The following ACSL1 variants were observed in gnomAD, a reference collection of about 807,000 sequenced individuals.
ACSL1 encodes the protein acyl-CoA synthetase long chain family member 1.
Under a neutral mutation model 98.4 loss-of-function variants are expected in ACSL1, and 41 were observed. The ratio of observed to expected loss-of-function variants is 0.42; its 90% CI spans 0.32 to 0.54. ACSL1 has a LOEUF of 0.54. Among genes scored for constraint, ACSL1 ranks in the 20% least tolerant of loss-of-function variants. The pLI is 0.13. For synonymous variants in ACSL1, 316 were observed against 322.7 expected (o/e 0.98, Z 0.22); for missense variants, 734 against 883.1 (o/e 0.83, Z 2.14).
At chr4:184,764,477 T>C (rs1451192716) in intron 15 of ACSL1, among the ~76,000 whole-genome samples, 1 of 152,122 alleles carries the variant, frequency 6.6e-6, no homozygotes, top group African/African-American at 2.4e-5. Context: ...ACAGTACAAA[T>C]TCAATAACTA....
rs1415028198 is a variant in ACSL1, at chr4:184,773,117, T to C, written c.879A>G (p.Ile293Met). ...PKGAMVTHRNIVSDCSAFVKA... is the reference protein window; with the variant it reads ...PKGAMVTHRNMVSDCSAFVKA... ...TCACAAAAGCTGAACAATCGCTCAC[T>C]ATGTTTCGGTGAGTGACCATTGCTC... The change falls in exon 10 of 21, where the codon ATA becomes ATG. Residue 293 changes from isoleucine to methionine, a missense_variant. Ile to Met is a conservative substitution (Grantham distance 10, BLOSUM62 1). Transcript: ENST00000281455. The surrounding 1 kb of genome is among the most constrained non-coding windows in gnomAD (Gnocchi z 4.3). 6.2e-7 allele frequency: 1 copy of C among 1,614,052 alleles called. No individual in the cohort carries two copies. The highest frequency in any genetic ancestry group is 1.7e-5 in the Admixed American group (1 of 60,024).
intron 17 of ACSL1, 132 bp from the exon 18 acceptor site, chr4:184,760,632 G>T: frequency 7.7e-7 from 1 of 1,294,874 alleles, no homozygotes; most frequent in African/African-American, 1.5e-5. Context: ...ACAGAGGTCA[G>T]TTATGATCCC....
Position 184,779,874 on chromosome 4 carries a change from CT to C in ACSL1, c.477+457del, listed in dbSNP as rs71591667. ...AAGGCCCTGGTTCAGGTTTTCCTTTCTTTTTTTTTTTTTTTGAGACGGAGTT... is the reference window on the plus strand; with the variant it reads ...AAGGCCCTGGTTCAGGTTTTCCTTTCTTTTTTTTTTTTTTGAGACGGAGTT... On this transcript the variant is annotated intron_variant, in intron 5 of 20. Transcript: ENST00000281455. Among the ~76,000 whole-genome samples, 1,134 of 141,282 alleles carry C rather than the reference CT, an allele frequency of 8.0e-3. 15 individuals carry two copies. The highest frequency in any genetic ancestry group is 0.046 in the South Asian group (204 of 4,426). The allele number at this position is 141,282 out of a possible 152,430, so 92.7% of individuals were successfully genotyped here.
chr4:184,760,883 C>G (rs943746367), intron 17 of ACSL1, among the ~76,000 whole-genome samples: 4 of 152,232 alleles, frequency 2.6e-5, no homozygotes, highest in Non-Finnish European at 4.4e-5. Flanking sequence ...AGGAACACAA[C>G]TTTTCCTTCC....
chr4:184,797,367 A>G (rs1323680695), intron 2 of ACSL1, among the ~76,000 whole-genome samples: 3 of 152,224 alleles, frequency 2.0e-5, no homozygotes, highest in African/African-American at 7.2e-5. Flanking sequence ...TTACATGCGT[A>G]CATGTGTGAA....
intron 2 of ACSL1, among the ~76,000 whole-genome samples, chr4:184,796,544 A>C (rs1218459867): frequency 6.6e-6 from 1 of 152,252 alleles, no homozygotes; most frequent in East Asian, 1.9e-4. Flanking sequence ...GACCATTTGC[A>C]CAATTATGTT....
chr4:184,810,672 A>G (rs890933391), intron 1 of ACSL1, among the ~76,000 whole-genome samples: 2 of 152,186 alleles, frequency 1.3e-5, no homozygotes, highest in Non-Finnish European at 2.9e-5. Context: ...TCCTGACCTC[A>G]GGGCTCGCAC....
At chr4:184,774,844 G>A (rs984540660) in intron 7 of ACSL1, among the ~76,000 whole-genome samples, 2 of 152,080 alleles carry the variant, frequency 1.3e-5, no homozygotes. Context: ...ACAGACCACC[G>A]ATTAAGAACA....
Position 184,756,480 on chromosome 4 carries a change from C to T in ACSL1, c.*645G>A, listed in dbSNP as rs1762135603. 1 of 152,650 alleles carries T rather than the reference C, an allele frequency of 6.6e-6. No homozygotes were observed. The highest frequency in any genetic ancestry group is 1.5e-5 in the Non-Finnish European group (1 of 68,054). 9.5% of individuals were successfully genotyped at this position (152,650 alleles called of 1,614,324 possible). On this transcript the variant is annotated 3_prime_UTR_variant, in exon 21 of 21. Transcript: ENST00000281455. Reference sequence around the variant, plus strand: ...CCAGAGGCTCCTTATCTGCATGGTTCTGAGTTGGATCTGCCCTCCCGCTTA... The same window carrying T: ...CCAGAGGCTCCTTATCTGCATGGTTTTGAGTTGGATCTGCCCTCCCGCTTA...
At chr4:184,760,308 G>T in intron 18 of ACSL1, 49 bp downstream of exon 18, 2 of 1,600,332 alleles carry the variant, frequency 1.2e-6, no homozygotes, top group Non-Finnish European at 1.7e-6. Flanking sequence ...GGAGTACCAG[G>T]CAATGGCAAT....
chr4:184,781,393 A>G (rs1323556704), intron 4 of ACSL1, among the ~76,000 whole-genome samples: 2 of 152,138 alleles, frequency 1.3e-5, no homozygotes, highest in Non-Finnish European at 2.9e-5. Flanking sequence ...TATTATAATT[A>G]TGAAAACTAT....
intron 1 of ACSL1, among the ~76,000 whole-genome samples, chr4:184,815,782 G>A (rs1234589725): frequency 6.6e-6 from 1 of 152,082 alleles, no homozygotes; most frequent in African/African-American, 2.4e-5. Context: ...CCACTTCTGA[G>A]TTGAGTTTTT....
chr4:184,778,670 C>G (rs1561199201), intron 5 of ACSL1, among the ~76,000 whole-genome samples: 1 of 152,204 alleles, frequency 6.6e-6, no homozygotes, highest in Non-Finnish European at 1.5e-5. Flanking sequence ...GAGGCCGAGT[C>G]ACTGTGCTTT....
chr4:184,761,277 G>A (rs1471270708), intron 17 of ACSL1, among the ~76,000 whole-genome samples: 3 of 152,196 alleles, frequency 2.0e-5, no homozygotes, highest in East Asian at 1.9e-4. Flanking sequence ...CTCTTGAACC[G>A]GAAGAGGGGG....
chr4:184,815,878 T>C (rs962437297), intron 1 of ACSL1, among the ~76,000 whole-genome samples: 1 of 151,980 alleles, frequency 6.6e-6, no homozygotes, highest in Non-Finnish European at 1.5e-5. Context: ...CCCAGCACTT[T>C]GGGAGGCAGA....
intron 1 of ACSL1, among the ~76,000 whole-genome samples, chr4:184,820,112 A>G (rs1226447215): frequency 1.3e-5 from 2 of 152,098 alleles, no homozygotes; most frequent in Non-Finnish European, 2.9e-5. Flanking sequence ...ACCTTGGCCA[A>G]GTCACCCCCC....
At chr4:184,802,758 G>A (rs779853802) in intron 2 of ACSL1, among the ~76,000 whole-genome samples, 24 of 152,144 alleles carry the variant, frequency 1.6e-4, no homozygotes, top group Admixed American at 3.9e-4. Flanking sequence ...CAACCACGGC[G>A]CTCAGCAGCC....
chr4:184,815,628 T>G (rs1050694614), intron 1 of ACSL1, among the ~76,000 whole-genome samples: 1 of 151,858 alleles, frequency 6.6e-6, no homozygotes, highest in African/African-American at 2.4e-5. Flanking sequence ...TTGGGTAGAG[T>G]TACTCACACC....
intron 1 of ACSL1, among the ~76,000 whole-genome samples, chr4:184,818,942 T>C (rs1460246132): frequency 2.0e-5 from 3 of 152,086 alleles, no homozygotes; most frequent in Non-Finnish European, 4.4e-5. Context: ...GTAGCAGCTA[T>C]TCTCTAGCCA....
Sources: gnomAD v4.1 joint callset for allele counts (sites outside exome capture counted in the v4.1 genomes callset) on GRCh38, gnomAD v4.1.1 for gene constraint, Gnocchi (gnomAD v3.1) non-coding constraint, MANE v1.5 for transcripts, NCBI Gene and HGNC (gene_info 2026-07-23, HGNC 2026-07-21) for gene names.